The following CLNK variants were observed in gnomAD, a reference collection of about 807,000 sequenced individuals.
CLNK encodes the protein cytokine-dependent hematopoietic cell linker.
CLNK carries 74 observed loss-of-function variants against 68.6 expected under a neutral mutation model. The observed-to-expected ratio is 1.08, with a 90% CI of 0.89 to 1.31. The LOEUF (loss-of-function observed/expected upper bound fraction) is 1.31. CLNK is among the 50% of genes most tolerant of loss of function. The probability of loss-of-function intolerance (pLI) is 0.00; values close to 1 mark genes in which losing one functional copy is unlikely to be tolerated. For synonymous variants in CLNK, 198 were observed against 172.2 expected, an observed-to-expected ratio of 1.15 and a Z score of -1.17; for missense variants, 553 against 515.3, an observed-to-expected ratio of 1.07 and a Z score of -0.71.
chr4:10,563,794 C>T (rs1446215728), intron 7 of CLNK, among the ~76,000 whole-genome samples: 1 of 152,116 alleles, frequency 6.6e-6, no homozygotes, highest in East Asian at 1.9e-4. Flanking sequence ...GTAATCCCAG[C>T]TATTCAGAAG....
intron 15 of CLNK, among the ~76,000 whole-genome samples, chr4:10,514,079 A>G (rs943170905): frequency 2.2e-5 from 3 of 133,604 alleles, no homozygotes; most frequent in Admixed American, 8.1e-5. Flanking sequence ...TTATTGTTCA[A>G]TTCCCACCTA....
At chr4:10,601,110 C>T (rs1399946900) in intron 2 of CLNK, among the ~76,000 whole-genome samples, 1 of 152,172 alleles carries the variant, frequency 6.6e-6, no homozygotes, top group Non-Finnish European at 1.5e-5. Context: ...TTCTCAACTC[C>T]ATGCTACAGA....
the CLNK span, among the ~76,000 whole-genome samples, chr4:10,731,485 A>G: frequency 6.6e-6 from 1 of 152,140 alleles, no homozygotes; most frequent in Non-Finnish European, 1.5e-5. Context: ...GGCTTTTTCT[A>G]TAACCTCAAC....
the CLNK span, among the ~76,000 whole-genome samples, chr4:10,728,695 T>A: frequency 6.6e-6 from 1 of 151,286 alleles, no homozygotes; most frequent in Non-Finnish European, 1.5e-5. Context: ...TTCACACTGT[T>A]CTCCTGCCTC....
chr4:10,654,135 G>C (rs1274045325), intron 2 of CLNK, among the ~76,000 whole-genome samples: 1 of 151,970 alleles, frequency 6.6e-6, no homozygotes, highest in Non-Finnish European at 1.5e-5. Context: ...CCAGCAAGGA[G>C]AGTGAAAGAA....
At chr4:10,687,705 A>G (rs773464227), upstream of CLNK, among the ~76,000 whole-genome samples, 1 of 152,146 alleles carries the variant, frequency 6.6e-6, no homozygotes, top group African/African-American at 2.4e-5. Context: ...ACACAGAAGC[A>G]ACAAAAGAGG....
intron 2 of CLNK, among the ~76,000 whole-genome samples, chr4:10,606,809 G>A (rs570069466): frequency 9.9e-5 from 15 of 152,166 alleles, no homozygotes; most frequent in African/African-American, 3.6e-4. Context: ...CACACACATA[G>A]TTGATTCTGT....
At chr4:10,502,436 A>C (rs938861770) in intron 17 of CLNK, among the ~76,000 whole-genome samples, 6 of 152,040 alleles carry the variant, frequency 3.9e-5, no homozygotes, top group Non-Finnish European at 8.8e-5. Flanking sequence ...CGTGGGGATT[A>C]TGGGGATTAC....
At chr4:10,614,912 C>T (rs368423600) in intron 2 of CLNK, among the ~76,000 whole-genome samples, 12 of 152,256 alleles carry the variant, frequency 7.9e-5, no homozygotes, top group South Asian at 2.1e-4. Flanking sequence ...GGGCTGGGTG[C>T]GGTGGCTCAC....
At chr4:10,616,055 C>T (rs1387431097) in intron 2 of CLNK, among the ~76,000 whole-genome samples, 2 of 152,150 alleles carry the variant, frequency 1.3e-5, no homozygotes, top group African/African-American at 2.4e-5. Context: ...TTATAATTGA[C>T]AAAATTAGAC....
chr4:10,564,556 C>T (rs1416888630), intron 7 of CLNK, 115 bp downstream of exon 7: 6 of 728,468 alleles, frequency 8.2e-6, no homozygotes, highest in Non-Finnish European at 1.5e-5. Context: ...CCTCAGTGAG[C>T]TTGACCTGCT....
intron 2 of CLNK, among the ~76,000 whole-genome samples, chr4:10,600,026 T>C (rs1304373451): frequency 5.3e-5 from 8 of 152,212 alleles, no homozygotes; most frequent in African/African-American, 1.9e-4. Context: ...CCCAAACTCT[T>C]AACCATGATA....
the CLNK span, among the ~76,000 whole-genome samples, chr4:10,734,138 G>T: frequency 5.3e-5 from 8 of 152,106 alleles, no homozygotes; most frequent in Non-Finnish European, 1.0e-4. Flanking sequence ...CATATGAAAA[G>T]CCTTTCTTTA....
chr4:10,701,072 C>T, the CLNK span, among the ~76,000 whole-genome samples: 2 of 152,188 alleles, frequency 1.3e-5, no homozygotes, highest in African/African-American at 4.8e-5. Flanking sequence ...AAGCCCTCAA[C>T]TTCTTCTTCC....
chr4:10,556,845 AG>A (rs1318312067), intron 8 of CLNK, among the ~76,000 whole-genome samples: 1 of 152,094 alleles, frequency 6.6e-6, no homozygotes, highest in Non-Finnish European at 1.5e-5. Context: ...TGGGAGGCCG[AG>A]GTGGGCAGAT....
chr4:10,639,566 A>C (rs972636402), intron 2 of CLNK, among the ~76,000 whole-genome samples: 7 of 152,318 alleles, frequency 4.6e-5, no homozygotes, highest in African/African-American at 1.7e-4. Flanking sequence ...AGTCATGGAG[A>C]ACAAATAAGA....
intron 2 of CLNK, among the ~76,000 whole-genome samples, chr4:10,655,241 C>T (rs1187344779): frequency 6.6e-6 from 1 of 151,040 alleles, no homozygotes; most frequent in Non-Finnish European, 1.5e-5. Flanking sequence ...ATAACATGTT[C>T]GTGAACTAGA....
At chr4:10,580,799 A>G (rs1345309337) in intron 4 of CLNK, among the ~76,000 whole-genome samples, 4 of 152,212 alleles carry the variant, frequency 2.6e-5, no homozygotes, top group Non-Finnish European at 5.9e-5. Context: ...TTAAACATTT[A>G]TAATTGTAAA....
At chr4:10,587,612 C>G (rs890108627) in intron 3 of CLNK, among the ~76,000 whole-genome samples, 4 of 152,230 alleles carry the variant, frequency 2.6e-5, no homozygotes, top group Non-Finnish European at 5.9e-5. Context: ...CCACGGTCTA[C>G]AAGTTGAGTC....
Sources: allele counts gnomAD v4.1 joint callset (sites outside exome capture counted in the v4.1 genomes callset), GRCh38; gene constraint gnomAD v4.1.1; transcripts MANE v1.5; gene names NCBI Gene and HGNC (gene_info 2026-07-23, HGNC 2026-07-21).